Variants in DNAH11 observed in about 807,000 individuals in gnomAD.
DNAH11 encodes the protein dynein axonemal heavy chain 11, also known as axonemal beta dynein heavy chain 11.
A neutral mutation model predicts 526.0 loss-of-function variants in DNAH11; 442 were observed. That is an observed-to-expected ratio of 0.84 (90% confidence interval 0.78 to 0.91). The LOEUF is 0.91. DNAH11 is among the 40% of genes least tolerant of loss of function. DNAH11 has a pLI of 0.00. For synonymous variants in DNAH11, 2,461 were observed against 1,935.9 expected (o/e 1.27, Z -7.12); for missense variants, 6,989 against 5,448.7 (o/e 1.28, Z -8.90).
chr7:21,799,333 A>T lies in DNAH11; in HGVS notation c.10027-1804A>T, dbSNP rs936455266. 4.0e-5 allele frequency among the ~76,000 whole-genome samples: 6 copies of T among 151,736 alleles called. No individual in the cohort carries two copies. In the South Asian group the frequency reaches 1.2e-3, roughly 32 times the overall value. ...ATAGACCTGTAATATTTTTACTTCA[A>T]TCTTATTTCTTTTTTTTTTTTAAGA... On this transcript the variant is annotated intron_variant, in intron 61 of 81. Transcript: ENST00000409508.
chr7:21,636,441 T>C (rs1394938497), intron 26 of DNAH11, among the ~76,000 whole-genome samples: 1 of 152,162 alleles, frequency 6.6e-6, no homozygotes, highest in Non-Finnish European at 1.5e-5. Flanking sequence ...TTTTCACTGA[T>C]TTAAAAAGGT....
intron 51 of DNAH11, among the ~76,000 whole-genome samples, chr7:21,745,964 T>C (rs1343770542): frequency 2.6e-5 from 4 of 152,082 alleles, no homozygotes; most frequent in Non-Finnish European, 4.4e-5. Context: ...GAAAAGAAGA[T>C]CAGTTAGGCT....
rs756302146 is a variant in DNAH11, at chr7:21,710,811, C to G, written c.6834+108C>G. The G allele has an allele frequency of 2.0e-4, 217 of 1,082,588 alleles. 4 individuals carry two copies. Among genetic ancestry groups the G allele is most frequent in the Non-Finnish European group, 1.3e-4 (105 of 789,634 alleles). The allele number at this position is 1,082,588 out of a possible 1,614,324, so 67.1% of individuals were successfully genotyped here. On this transcript the variant is annotated intron_variant, in intron 41 of 81. Coordinates refer to ENST00000409508, the MANE Select transcript of DNAH11 (RefSeq NM_001277115.2). ...AGTTTTTGCTCATTAACCTGGGATT[C>G]TTTATGTAATTATTATTTTGATAAG...
At position 21,636,001 on chromosome 7, in the gene DNAH11, C is replaced by G. The variant is rs1370594077; in HGVS notation, c.4631C>G (p.Ser1544Cys). 3.7e-6 allele frequency: 6 copies of G among 1,613,548 alleles called. No homozygotes were observed. The highest frequency in any genetic ancestry group is 2.2e-5 in the East Asian group (1 of 44,878). The change falls in exon 26 of 82, where the codon TCT (serine) becomes TGT (cysteine). Residue 1544 changes from serine to cysteine, a missense_variant. Coordinates refer to ENST00000409508, the MANE Select transcript of DNAH11 (RefSeq NM_001277115.2). ...TGGATGGAAGTCCAGCGAACTTGGT[C>G]TCACCTGGAAAGCATTTTTGTCTGT... ...FTWMEVQRTWSHLESIFVCSE... is the reference protein window; with the variant it reads ...FTWMEVQRTWCHLESIFVCSE...
rs765072691 is a variant in DNAH11 at position 21,748,707 on chromosome 7, A to T, written c.8638A>T (p.Thr2880Ser). 1 of 1,613,112 alleles carries T rather than the reference A, an allele frequency of 6.2e-7. No individual in the cohort carries two copies. The highest frequency in any genetic ancestry group is 1.3e-5 in the African/African-American group (1 of 74,760). Residue 2880 changes from threonine to serine, a missense_variant, in exon 52 of 82, where the codon ACT (threonine) becomes TCT (serine). Physicochemically the swap from Thr to Ser is moderately conservative, Grantham distance 58. Transcript: ENST00000409508. ...TCGTGGCCTTGAGGTCTTTCAGATC[A>T]CTCTGACCGAGGGCTATGGAATCCA... ...YLRGLEVFQI[T>S]LTEGYGIQEL... is the part of the protein sequence containing the mutation.
chr7:21,669,188 T>C (rs906300112), intron 30 of DNAH11, among the ~76,000 whole-genome samples: 1 of 152,132 alleles, frequency 6.6e-6, no homozygotes, highest in Non-Finnish European at 1.5e-5. Flanking sequence ...TGATTTGCCT[T>C]ATATATTTTT....
chr7:21,739,095 G>C (rs1361583352), intron 47 of DNAH11, among the ~76,000 whole-genome samples: 3 of 152,106 alleles, frequency 2.0e-5, no homozygotes, highest in African/African-American at 4.8e-5. Context: ...TGGAAGATTG[G>C]ATTGAAAAGT....
chr7:21,838,918 G>A lies in DNAH11; in HGVS notation c.10692-3626G>A, dbSNP rs138158381. On this transcript the variant is annotated intron_variant, in intron 65 of 81. Coordinates refer to ENST00000409508, the MANE Select transcript of DNAH11 (RefSeq NM_001277115.2). The stretch of plus-strand genomic sequence containing the variant: ...GCTAATTTTAAGGAATGGCCAAACC[G>A]CTTGCCAATGTGGTTGCACAATTTT... Among the ~76,000 whole-genome samples, 93 of 152,096 alleles carry A rather than the reference G, an allele frequency of 6.1e-4. 1 individual carries two copies. In the East Asian group the frequency reaches 0.014, roughly 23 times the overall value.
intron 66 of DNAH11, among the ~76,000 whole-genome samples, chr7:21,848,611 C>T (rs994258179): frequency 2.0e-5 from 3 of 151,672 alleles, no homozygotes; most frequent in Non-Finnish European, 4.4e-5. Context: ...ATATTGGGTG[C>T]TCACTCTCAC....
At chr7:21,873,604 A>G in intron 74 of DNAH11, 103 bp downstream of exon 74, 2 of 1,140,766 alleles carry the variant, frequency 1.8e-6, no homozygotes. Context: ...GGGATGAAGC[A>G]AGTTCTTAAT....
At chr7:21,656,403 A>G (rs1782017263) in intron 29 of DNAH11, among the ~76,000 whole-genome samples, 1 of 152,206 alleles carries the variant, frequency 6.6e-6, no homozygotes, top group Non-Finnish European at 1.5e-5. Flanking sequence ...GTGGTTCAGT[A>G]GTCCATTGTG....
intron 76 of DNAH11, among the ~76,000 whole-genome samples, chr7:21,888,841 G>C (rs1056883966): frequency 1.3e-5 from 2 of 152,070 alleles, no homozygotes; most frequent in African/African-American, 4.8e-5. Context: ...GGTTCTTTCT[G>C]CCTGAGCATG....
chr7:21,638,839 T>G, intron 27 of DNAH11, 100 bp from the exon 28 acceptor site: 1 of 1,385,332 alleles, frequency 7.2e-7, no homozygotes, highest in Non-Finnish European at 9.8e-7. Flanking sequence ...ACAGTGAGTT[T>G]ACTATAATGA....
rs746607145 is a variant in DNAH11 at position 21,894,898 on chromosome 7, A to G, written c.12948A>G (p.Leu4316=). The part of the protein sequence containing the change: ...LDLSLKGELA[L]SPAVEAQQFA... ...CTCCATGCAAGGGGGAATTGGCATT[A>G]TCTCCTGCTGTGGAAGCCCAGCAGT... Residue 4316 remains leucine, a synonymous_variant, in exon 79 of 82, where the codon TTA becomes TTG. Coordinates refer to ENST00000409508, the MANE Select transcript of DNAH11 (RefSeq NM_001277115.2). The G allele has an allele frequency of 1.4e-5, 22 of 1,613,974 alleles. No individual in the cohort carries two copies. The Admixed American group carries it at 3.7e-4, about 27-fold the overall frequency.
rs551948548 is a variant in DNAH11, at chr7:21,569,662, C to T, written c.1195-407C>T. 2.0e-5 allele frequency among the ~76,000 whole-genome samples: 3 copies of T among 152,260 alleles called. 1 individual carries two copies. In the South Asian group the frequency reaches 6.2e-4, roughly 32 times the overall value. ...TCTCTTTACAAGTGGTCCTGAACTA[C>T]CAGGTAAAGTGAGCATACTTTAAAA... On this transcript the variant is annotated intron_variant, in intron 6 of 81. Transcript: ENST00000409508.
At chr7:21,861,216 C>G (rs1423812100) in intron 68 of DNAH11, among the ~76,000 whole-genome samples, 6 of 152,224 alleles carry the variant, frequency 3.9e-5, no homozygotes, top group African/African-American at 1.2e-4. Flanking sequence ...TGAAAAAGCT[C>G]TGGCATCCTA....
At chr7:21,698,306 A>G in intron 36 of DNAH11, 93 bp downstream of exon 36, 2 of 1,519,206 alleles carry the variant, frequency 1.3e-6, no homozygotes, top group East Asian at 2.3e-5. Flanking sequence ...TTCAAATTAC[A>G]TTAGACATTA....
At chr7:21,557,841 T>A (rs1583479229) in intron 2 of DNAH11, among the ~76,000 whole-genome samples, 2 of 152,180 alleles carry the variant, frequency 1.3e-5, no homozygotes, top group Non-Finnish European at 2.9e-5. Context: ...TTGACTGTCA[T>A]AGTTCCAGGA....
intron 9 of DNAH11, among the ~76,000 whole-genome samples, chr7:21,587,708 G>T (rs1784523148): frequency 6.6e-6 from 1 of 152,126 alleles, no homozygotes; most frequent in Admixed American, 6.5e-5. Context: ...ATATGTAGGA[G>T]GGAAGAACAA....
Sources: gnomAD v4.1 joint callset for allele counts (sites outside exome capture counted in the v4.1 genomes callset) on GRCh38, gnomAD v4.1.1 for gene constraint, MANE v1.5 for transcripts, NCBI Gene and HGNC (gene_info 2026-07-23, HGNC 2026-07-21) for gene names.